RAD21: variants seen among roughly 807,000 people sequenced by gnomAD.
RAD21 encodes the protein RAD21 cohesin complex component.
RAD21 carries 18 observed loss-of-function variants against 71.5 expected under a neutral mutation model. The observed-to-expected ratio is 0.25, with a 90% CI of 0.17 to 0.37. The LOEUF (loss-of-function observed/expected upper bound fraction) is 0.37, where lower values mean the gene tolerates loss of function less well. Ranked by LOEUF, RAD21 falls within the 10% of genes least tolerant of loss-of-function variation. The pLI, the probability that RAD21 is intolerant of heterozygous loss-of-function variation, is 1.00. For synonymous variants in RAD21, 248 were observed against 254.0 expected (o/e 0.98, Z 0.22); for missense variants, 493 against 769.1 (o/e 0.64, Z 4.25).
chr8:116,851,893 C>CTA, intron 11 of RAD21, 55 bp downstream of exon 11: 2 of 1,535,224 alleles, frequency 1.3e-6, no homozygotes, highest in Non-Finnish European at 1.8e-6. Context: ...ATACCACTTG[C>CTA]TACTGACTGT....
chr8:116,873,767 C>A (rs1438313146), intron 1 of RAD21, among the ~76,000 whole-genome samples: 1 of 152,030 alleles, frequency 6.6e-6, no homozygotes, highest in Non-Finnish European at 1.5e-5. Flanking sequence ...CCCACACTAT[C>A]AAAGCGGATC....
In RAD21 at chr8:116,847,322, T is replaced by C; in HGVS notation, c.*178A>G. ...CACAAACACAACCCATCTAATCAGT[T>C]TCCCTCAAAGATGAAATTGACAAAT... is the stretch of plus-strand genomic sequence containing the variant. On this transcript the variant is annotated 3_prime_UTR_variant, in exon 14 of 14. Transcript: ENST00000297338. 1 of 550,992 alleles carries C rather than the reference T, an allele frequency of 1.8e-6. No individual in the cohort carries two copies. The highest frequency in any genetic ancestry group is 3.1e-6 in the Non-Finnish European group (1 of 318,578). The allele number at this position is 550,992 out of a possible 1,614,324, so 34.1% of individuals were successfully genotyped here.
At chr8:116,864,015 AAG>A (rs2130480843) in intron 2 of RAD21, among the ~76,000 whole-genome samples, 1 of 152,288 alleles carries the variant, frequency 6.6e-6, no homozygotes, top group South Asian at 2.1e-4. Context: ...AAAGTTTGGA[AAG>A]CATACTAATT....
chr8:116,867,679 A>G (rs1812724481), intron 1 of RAD21, among the ~76,000 whole-genome samples: 1 of 152,250 alleles, frequency 6.6e-6, no homozygotes, highest in East Asian at 1.9e-4. Context: ...CCACGACTAG[A>G]AAATGATATA....
intron 10 of RAD21, 27 bp from the exon 11 acceptor site, chr8:116,852,123 C>A (rs1435221055): frequency 6.3e-7 from 1 of 1,581,148 alleles, no homozygotes; most frequent in Admixed American, 1.7e-5. Flanking sequence ...GAAGAGAAAA[C>A]ATAGGTCATA....
In RAD21 at chr8:116,861,948, A is replaced by G; in HGVS notation, c.275-8T>C. 6.3e-7 allele frequency: 1 copy of G among 1,588,844 alleles called. No individual in the cohort carries two copies. On this transcript the variant is annotated splice_polypyrimidine_tract_variant and splice_region_variant and intron_variant, in intron 3 of 13. Transcript: ENST00000297338. Reference sequence around the variant, plus strand: ...CAGGCAGGTCAACCACACCTAGAAAAGAAATGCTAAGCTTAAATATCTAGC... The same window carrying G: ...CAGGCAGGTCAACCACACCTAGAAAGGAAATGCTAAGCTTAAATATCTAGC...
At chr8:116,873,346 G>A (rs1007313837) in intron 1 of RAD21, among the ~76,000 whole-genome samples, 2 of 152,200 alleles carry the variant, frequency 1.3e-5, no homozygotes, top group Non-Finnish European at 2.9e-5. Context: ...TTGAAGATCA[G>A]ATATGGCGTA....
chr8:116,849,647 G>C (rs1306895935), intron 12 of RAD21, among the ~76,000 whole-genome samples: 1 of 152,140 alleles, frequency 6.6e-6, no homozygotes, highest in Non-Finnish European at 1.5e-5. Flanking sequence ...GTGGGTGCAA[G>C]GCAGCAGTTG....
Position 116,846,616 on chromosome 8 carries a change from C to G in RAD21, c.*884G>C. On this transcript the variant is annotated 3_prime_UTR_variant, in exon 14 of 14. Coordinates refer to ENST00000297338, the MANE Select transcript of RAD21 (RefSeq NM_006265.3). ...ATCGTCTGCTTAAAAGCTAAGTTGA[C>G]CAGGTGCATAATTTCCCATCAGTCT... The G allele has an allele frequency of 4.4e-6, 1 of 227,912 alleles. No individual in the cohort carries two copies. Among genetic ancestry groups the G allele is most frequent in the Non-Finnish European group, 8.7e-6 (1 of 114,476 alleles). 14.1% of individuals were successfully genotyped at this position (227,912 alleles called of 1,614,324 possible).
Position 116,858,384 on chromosome 8 carries a change from C to G in RAD21, c.449G>C (p.Gly150Ala). 6.2e-7 allele frequency: 1 copy of G among 1,611,974 alleles called. No homozygotes were observed. The highest frequency in any genetic ancestry group is 8.5e-7 in the Non-Finnish European group (1 of 1,178,874). ...VEEITMREEV[G>A]NISILQENDF... ...ATTTTCTTGTAAAATACTGATGTTC[C>G]CAACTTCTTCTCTCATGGTTATCTC... Residue 150 changes from glycine to alanine, a missense_variant, in exon 5 of 14, where the codon GGG (glycine) becomes GCG (alanine). Physicochemically the swap from Gly to Ala is moderately conservative, Grantham distance 60. Transcript: ENST00000297338.
rs1812934522 is a variant in RAD21, at chr8:116,874,686, G to A, written c.-108C>T. The A allele has an allele frequency of 2.4e-6, 1 of 408,572 alleles. No homozygotes were observed. The highest frequency in any genetic ancestry group is 7.1e-5 in the East Asian group (1 of 14,012). 25.3% of individuals were successfully genotyped at this position (408,572 alleles called of 1,614,324 possible). A position where few individuals can be genotyped will look rare whatever the true frequency, so the allele number is the denominator to read the frequency against. The stretch of plus-strand genomic sequence containing the variant: ...AGGGTCGGGGGAGGGGGTGGGGAAA[G>A]GGGGGAGCCCTTGCGAGGTGTAGCT... On this transcript the variant is annotated 5_prime_UTR_variant, in exon 1 of 14. Coordinates refer to ENST00000297338, the MANE Select transcript of RAD21 (RefSeq NM_006265.3).
At chr8:116,865,994 CATTTT>C (rs1007316780) in intron 2 of RAD21, among the ~76,000 whole-genome samples, 110 of 152,276 alleles carry the variant, frequency 7.2e-4, no homozygotes, top group Non-Finnish European at 5.9e-4. Context: ...TGGTGTTATA[CATTTT>C]ATTAGTTTGT....
chr8:116,873,147 A>ACCTTATTTCTCAAGAAT (rs1812869590), intron 1 of RAD21, among the ~76,000 whole-genome samples: 1 of 152,200 alleles, frequency 6.6e-6, no homozygotes. Context: ...TAAAAACACA[A>ACCTTATTTCTCAAGAAT]CCTTATTTCT....
intron 1 of RAD21, among the ~76,000 whole-genome samples, chr8:116,867,564 A>G (rs1057140266): frequency 6.6e-6 from 1 of 152,180 alleles, no homozygotes; most frequent in Non-Finnish European, 1.5e-5. Flanking sequence ...TATTTCCTTT[A>G]TATCATTTAA....
chr8:116,874,692 A>G lies in RAD21; in HGVS notation c.-114T>C. The G allele has an allele frequency of 4.8e-6, 2 of 417,092 alleles. No individual in the cohort carries two copies. The highest frequency in any genetic ancestry group is 2.6e-5 in the Admixed American group (1 of 38,622). The allele number at this position is 417,092 out of a possible 1,614,324, so 25.8% of individuals were successfully genotyped here. ...GGGGGAGGGGGTGGGGAAAGGGGGGAGCCCTTGCGAGGTGTAGCTTCCGAG... is the reference window on the plus strand; with the variant it reads ...GGGGGAGGGGGTGGGGAAAGGGGGGGGCCCTTGCGAGGTGTAGCTTCCGAG... On this transcript the variant is annotated 5_prime_UTR_variant, in exon 1 of 14. Coordinates refer to ENST00000297338, the MANE Select transcript of RAD21 (RefSeq NM_006265.3).
At chr8:116,859,149 C>A (rs1026764162) in intron 4 of RAD21, among the ~76,000 whole-genome samples, 1 of 149,394 alleles carries the variant, frequency 6.7e-6, no homozygotes, top group Non-Finnish European at 1.5e-5. Flanking sequence ...CATTTGAATG[C>A]TGACTGGCTA....
At chr8:116,863,054 A>G (rs1812623154) in intron 3 of RAD21, 76 bp downstream of exon 3, 3 of 1,484,190 alleles carry the variant, frequency 2.0e-6, no homozygotes, top group Admixed American at 2.0e-5. Context: ...AAATGTGTTT[A>G]GCTACAGTAA....
rs567750300 is a variant in RAD21, at chr8:116,857,141, C to T, written c.688+126G>A. ...TTACCGAAATGTCCTATTGAACCAA[C>T]TGATCACAATTCACTCATATATATC... On this transcript the variant is annotated intron_variant, in intron 6 of 13. Coordinates refer to ENST00000297338, the MANE Select transcript of RAD21 (RefSeq NM_006265.3). The T allele has an allele frequency of 5.7e-5, 45 of 783,196 alleles. No individual in the cohort carries two copies. The African/African-American group carries it at 7.0e-4, about 12-fold the overall frequency. 48.5% of individuals were successfully genotyped at this position (783,196 alleles called of 1,614,324 possible).
At chr8:116,874,514 C>G in intron 1 of RAD21, 97 bp downstream of exon 1, 1 of 253,200 alleles carries the variant, frequency 3.9e-6, no homozygotes, top group South Asian at 3.6e-5. Context: ...CCCTCGCCCT[C>G]CCGCCCCCAG....
Sources: gnomAD v4.1 joint callset for allele counts (sites outside exome capture counted in the v4.1 genomes callset) on GRCh38, gnomAD v4.1.1 for gene constraint, MANE v1.5 for transcripts, NCBI Gene and HGNC (gene_info 2026-07-23, HGNC 2026-07-21) for gene names.